Variants in TEK observed in about 807,000 individuals in gnomAD.
TEK encodes TEK receptor tyrosine kinase, also known as angiopoietin-1 receptor.
In TEK, 43 loss-of-function variants were observed where a neutral mutation model predicts 131.8. The ratio of observed to expected loss-of-function variants is 0.33; its 90% CI spans 0.26 to 0.42. TEK has a LOEUF of 0.42. Ranked by LOEUF, TEK falls within the 10% of genes least tolerant of loss-of-function variation. The probability of loss-of-function intolerance (pLI) is 1.00; values close to 1 mark genes in which losing one functional copy is unlikely to be tolerated. For synonymous variants in TEK, 580 were observed against 491.6 expected (o/e 1.18, Z -2.38); for missense variants, 1,162 against 1,384.4 (o/e 0.84, Z 2.55).
chr9:27,219,225 C>T (rs1476640399), intron 20 of TEK, among the ~76,000 whole-genome samples: 1 of 152,140 alleles, frequency 6.6e-6, no homozygotes, highest in East Asian at 1.9e-4. Context: ...CTGGAAGGCA[C>T]TACACAGAAA....
At chr9:27,124,812 T>G (rs2131048680) in intron 1 of TEK, among the ~76,000 whole-genome samples, 1 of 152,102 alleles carries the variant, frequency 6.6e-6, no homozygotes, top group African/African-American at 2.4e-5. Context: ...ACAAAGAAAA[T>G]TAGTGACAGT....
In TEK at chr9:27,213,615, A is replaced by G. The variant is rs761774245; in HGVS notation, c.2991+18A>G. Reference sequence around the variant, plus strand: ...AGACAATGGTAAGTGCCAGACACAGACACTGATCGCATCCTTTCCGAGGTA... The same window carrying G: ...AGACAATGGTAAGTGCCAGACACAGGCACTGATCGCATCCTTTCCGAGGTA... On this transcript the variant is annotated intron_variant, in intron 18 of 22. Coordinates refer to ENST00000380036, the MANE Select transcript of TEK (RefSeq NM_000459.5). 12 of 1,573,520 alleles carry G rather than the reference A, an allele frequency of 7.6e-6. No homozygotes were observed. The highest frequency in any genetic ancestry group is 1.0e-5 in the Non-Finnish European group (12 of 1,143,340).
intron 14 of TEK, among the ~76,000 whole-genome samples, chr9:27,205,381 A>G (rs1032537858): frequency 6.6e-6 from 1 of 152,206 alleles, no homozygotes; most frequent in Non-Finnish European, 1.5e-5. Flanking sequence ...ATATCTTGCA[A>G]CAGAATAAAT....
At chr9:27,151,273 T>G (rs546292134) in intron 1 of TEK, among the ~76,000 whole-genome samples, 9 of 152,286 alleles carry the variant, frequency 5.9e-5, no homozygotes, top group South Asian at 2.1e-4. Flanking sequence ...ACTGGATTTC[T>G]TCATGGGAGA....
At chr9:27,154,693 T>G (rs949587848) in intron 1 of TEK, among the ~76,000 whole-genome samples, 1 of 152,198 alleles carries the variant, frequency 6.6e-6, no homozygotes, top group Admixed American at 6.5e-5. Flanking sequence ...GTATGTCTTC[T>G]TATACCCAAA....
chr9:27,226,664 G>C (rs559521529), intron 21 of TEK, among the ~76,000 whole-genome samples: 1 of 152,084 alleles, frequency 6.6e-6, no homozygotes, highest in Non-Finnish European at 1.5e-5. Context: ...CATGGCACTT[G>C]TATACATATG....
At chr9:27,149,387 T>C (rs775025859) in intron 1 of TEK, among the ~76,000 whole-genome samples, 4 of 152,196 alleles carry the variant, frequency 2.6e-5, no homozygotes, top group Non-Finnish European at 5.9e-5. Flanking sequence ...TTTCCTTCAA[T>C]AGTGTGAGAA....
At chr9:27,170,368 G>A (rs1307378884) in intron 4 of TEK, among the ~76,000 whole-genome samples, 2 of 152,100 alleles carry the variant, frequency 1.3e-5, no homozygotes, top group African/African-American at 4.8e-5. Flanking sequence ...GCTGGGTACG[G>A]TGGCTCATGC....
At chr9:27,167,491 G>T (rs1280247335) in intron 2 of TEK, among the ~76,000 whole-genome samples, 3 of 152,152 alleles carry the variant, frequency 2.0e-5, no homozygotes, top group African/African-American at 7.2e-5. Flanking sequence ...GCATCCCAAA[G>T]GGCTGGGATT....
chr9:27,127,866 C>T (rs542204628), intron 1 of TEK, among the ~76,000 whole-genome samples: 1 of 152,236 alleles, frequency 6.6e-6, no homozygotes, highest in Non-Finnish European at 1.5e-5. Flanking sequence ...TTTGTAGATT[C>T]TGGATATTAA....
chr9:27,204,905 G>A lies in TEK; in HGVS notation c.2210-6G>A. ...CTACCTGCTTCACCTCTGTCTTCCT[G>A]CACAGCACCAGCGGACCTCGGAGGG... On this transcript the variant is annotated splice_region_variant and splice_polypyrimidine_tract_variant and intron_variant, in intron 13 of 22. Coordinates refer to ENST00000380036, the MANE Select transcript of TEK (RefSeq NM_000459.5). 6.2e-7 allele frequency: 1 copy of A among 1,613,788 alleles called. No homozygotes were observed. Among genetic ancestry groups the A allele is most frequent in the Non-Finnish European group, 8.5e-7 (1 of 1,179,818 alleles).
At chr9:27,179,532 A>G (rs541615) in intron 6 of TEK, among the ~76,000 whole-genome samples, 114,928 of 152,076 alleles carry the variant, frequency 0.76, 44,251 homozygotes, top group African/African-American at 0.88. Context: ...ATGTTACATT[A>G]TGGAGACTCT....
intron 2 of TEK, among the ~76,000 whole-genome samples, chr9:27,162,677 A>G (rs919587383): frequency 2.6e-5 from 4 of 152,178 alleles, no homozygotes; most frequent in Non-Finnish European, 5.9e-5. Context: ...GGAAAATCTG[A>G]AACAGTTTAG....
intron 18 of TEK, among the ~76,000 whole-genome samples, chr9:27,215,560 GTTTT>G (rs58505932): frequency 7.0e-6 from 1 of 142,014 alleles, no homozygotes. Flanking sequence ...CTGCATTAGG[GTTTT>G]TTTTTTTTTT....
At chr9:27,174,887 C>G (rs1029049712) in intron 6 of TEK, among the ~76,000 whole-genome samples, 1 of 151,912 alleles carries the variant, frequency 6.6e-6, no homozygotes, top group African/African-American at 2.4e-5. Flanking sequence ...ACCCAGGAAG[C>G]GGTGCATGCC....
chr9:27,219,447 T>C (rs1825960215), intron 20 of TEK, among the ~76,000 whole-genome samples: 2 of 151,952 alleles, frequency 1.3e-5, no homozygotes, highest in South Asian at 4.1e-4. Flanking sequence ...TGGGAACACA[T>C]GGACACAGGG....
intron 1 of TEK, among the ~76,000 whole-genome samples, chr9:27,111,985 G>A (rs1821365619): frequency 6.8e-6 from 1 of 146,890 alleles, no homozygotes; most frequent in Non-Finnish European, 1.5e-5. Flanking sequence ...TGCAACCTCC[G>A]CCTCCCAGGT....
intron 2 of TEK, among the ~76,000 whole-genome samples, chr9:27,162,496 T>C (rs1032773955): frequency 2.0e-5 from 3 of 152,196 alleles, no homozygotes; most frequent in African/African-American, 4.8e-5. Flanking sequence ...AAGACCTGTT[T>C]CAAACTGATC....
chr9:27,130,208 A>T (rs754821806), intron 1 of TEK, among the ~76,000 whole-genome samples: 2 of 152,252 alleles, frequency 1.3e-5, no homozygotes, highest in Admixed American at 6.5e-5. Context: ...TTGGATGCAC[A>T]GATCAACAGA....
Sources: allele counts gnomAD v4.1 joint callset (sites outside exome capture counted in the v4.1 genomes callset), GRCh38; gene constraint gnomAD v4.1.1; transcripts MANE v1.5; gene names NCBI Gene and HGNC (gene_info 2026-07-23, HGNC 2026-07-21).